The following STIM2 variants were observed in gnomAD, a reference collection of about 807,000 sequenced individuals.
The protein encoded by STIM2 is stromal interaction molecule 2.
STIM2 carries 31 observed loss-of-function variants against 85.8 expected under a neutral mutation model. The observed-to-expected ratio is 0.36, with a 90% CI of 0.27 to 0.49. The LOEUF (loss-of-function observed/expected upper bound fraction) is 0.49. Among genes scored for constraint, STIM2 ranks in the 20% least tolerant of loss-of-function variants. STIM2 has a pLI of 0.98. For synonymous variants in STIM2, 356 were observed against 331.1 expected, an observed-to-expected ratio of 1.08 and a Z score of -0.82; for missense variants, 841 against 927.6, an observed-to-expected ratio of 0.91 and a Z score of 1.21.
chr4:27,014,778 C>G (rs919764384), intron 10 of STIM2, among the ~76,000 whole-genome samples: 2 of 151,830 alleles, frequency 1.3e-5, no homozygotes, highest in African/African-American at 2.4e-5. Flanking sequence ...GTTAAAATCT[C>G]CCATGGTGGT....
intron 10 of STIM2, among the ~76,000 whole-genome samples, chr4:27,013,314 TC>T (rs1728623169): frequency 1.3e-5 from 2 of 151,996 alleles, no homozygotes; most frequent in African/African-American, 4.8e-5. Context: ...TTATAATTGT[TC>T]TTTTTTATTA....
chr4:26,938,353 T>A (rs564450539), intron 2 of STIM2, among the ~76,000 whole-genome samples: 1 of 152,332 alleles, frequency 6.6e-6, no homozygotes, highest in South Asian at 2.1e-4. Flanking sequence ...AACTTTCAGT[T>A]ATAAGATGAA....
chr4:26,880,845 T>G (rs982781476), intron 1 of STIM2, among the ~76,000 whole-genome samples: 16 of 151,628 alleles, frequency 1.1e-4, no homozygotes, highest in Non-Finnish European at 2.2e-4. Context: ...TTCTTAAAAT[T>G]GGTACTTTGT....
rs192680522 is a variant in STIM2 at position 26,937,869 on chromosome 4, C to T, written c.282+18235C>T. Among the ~76,000 whole-genome samples the T allele has an allele frequency of 6.8e-4, 104 of 152,224 alleles. 1 individual carries two copies. The highest frequency in any genetic ancestry group is 2.3e-3 in the African/African-American group (94 of 41,542). On this transcript the variant is annotated intron_variant, in intron 2 of 11. Transcript: ENST00000467087. The stretch of plus-strand genomic sequence containing the variant: ...TGCTACTGCTAAACACTGGCTCTAC[C>T]TCAGTTTGGTTTATCAGTCTGAGTC...
chr4:26,903,417 G>A (rs904606610), intron 1 of STIM2, among the ~76,000 whole-genome samples: 3 of 152,032 alleles, frequency 2.0e-5, no homozygotes, highest in Non-Finnish European at 4.4e-5. Flanking sequence ...TTATACACAC[G>A]TGCATACTTG....
chr4:26,959,125 T>C (rs988888148), intron 3 of STIM2, among the ~76,000 whole-genome samples: 7 of 152,206 alleles, frequency 4.6e-5, no homozygotes, highest in African/African-American at 1.7e-4. Context: ...TTAGATCTGC[T>C]CATTACTCTG....
At chr4:26,893,409 A>G (rs1327151402) in intron 1 of STIM2, among the ~76,000 whole-genome samples, 1 of 152,216 alleles carries the variant, frequency 6.6e-6, no homozygotes, top group African/African-American at 2.4e-5. Flanking sequence ...ACTGTATATT[A>G]ATAAAATCAT....
chr4:27,009,917 A>G (rs1314779630), intron 10 of STIM2, among the ~76,000 whole-genome samples: 1 of 152,238 alleles, frequency 6.6e-6, no homozygotes, highest in African/African-American at 2.4e-5. Flanking sequence ...TCCGTGTTTA[A>G]TATCTGAATT....
chr4:26,999,913 A>G (rs1344676435), intron 5 of STIM2, among the ~76,000 whole-genome samples: 1 of 152,226 alleles, frequency 6.6e-6, no homozygotes, highest in Non-Finnish European at 1.5e-5. Context: ...TAAAGAAAAT[A>G]AACCTTGTAT....
chr4:26,866,413 A>G (rs1033516989), intron 1 of STIM2, among the ~76,000 whole-genome samples: 1 of 152,178 alleles, frequency 6.6e-6, no homozygotes, highest in South Asian at 2.1e-4. Flanking sequence ...TAGCACCACA[A>G]GGGACTGCAA....
Position 26,995,453 on chromosome 4 carries a change from T to G in STIM2, c.472T>G (p.Phe158Val). The change falls in exon 4 of 12, where the codon TTT (phenylalanine) becomes GTT (valine). Residue 158 changes from phenylalanine to valine, a missense_variant. Physicochemically the swap from Phe to Val is conservative, Grantham distance 50 (BLOSUM62 -1). Coordinates refer to ENST00000467087, the MANE Select transcript of STIM2 (RefSeq NM_020860.4). ...TGAACTACCCCAATATGAGAAGAATTTTAGAGACAACAATGTCAAAGGAAC... is the reference window on the plus strand; with the variant it reads ...TGAACTACCCCAATATGAGAAGAATGTTAGAGACAACAATGTCAAAGGAAC... The G allele has an allele frequency of 6.2e-7, 1 of 1,602,362 alleles. No individual in the cohort carries two copies. Among genetic ancestry groups the G allele is most frequent in the Non-Finnish European group, 8.5e-7 (1 of 1,174,692 alleles).
intron 2 of STIM2, among the ~76,000 whole-genome samples, chr4:26,930,514 CAA>C: frequency 6.6e-6 from 1 of 151,854 alleles, no homozygotes; most frequent in African/African-American, 2.4e-5. Context: ...ATATATAAAA[CAA>C]AATCAACTTT....
chr4:26,879,414 T>G (rs148385023), intron 1 of STIM2, among the ~76,000 whole-genome samples: 1 of 152,248 alleles, frequency 6.6e-6, no homozygotes, highest in African/African-American at 2.4e-5. Context: ...ACCTGGGATA[T>G]TATACCATTT....
rs1728783283 is a variant in STIM2, at chr4:27,017,824, G to GC, written c.1609dup (p.His537ProfsTer22). Reference sequence around the variant, plus strand: ...TCAGCGAGCTCAGCTTGCTCCACACGCCCCCCACCCGTCACACCCTCGGCA... The same window carrying GC: ...TCAGCGAGCTCAGCTTGCTCCACACGCCCCCCCACCCGTCACACCCTCGGCA... On this transcript the variant is annotated frameshift_variant, in exon 11 of 12. Coordinates refer to ENST00000467087, the MANE Select transcript of STIM2 (RefSeq NM_020860.4). LOFTEE classifies it high-confidence loss of function. The GC allele has an allele frequency of 1.9e-6, 3 of 1,613,908 alleles. No individual in the cohort carries two copies. The highest frequency in any genetic ancestry group is 2.5e-6 in the Non-Finnish European group (3 of 1,179,982).
In STIM2 at chr4:27,024,671, G is replaced by T. The variant is rs1015898246; in HGVS notation, c.*1675G>T. 8 of 152,182 alleles carry T rather than the reference G, an allele frequency of 5.3e-5. No homozygotes were observed. The highest frequency in any genetic ancestry group is 8.8e-5 in the Non-Finnish European group (6 of 68,034). 9.4% of individuals were successfully genotyped at this position (152,182 alleles called of 1,614,324 possible). A position where few individuals can be genotyped will look rare whatever the true frequency, so the allele number is the denominator to read the frequency against. The stretch of plus-strand genomic sequence containing the variant: ...ATTGAGTTCTGTAAGGGCAAAAACG[G>T]ATTGAAATGAACATAGCGTTTTGCA... On this transcript the variant is annotated 3_prime_UTR_variant, in exon 12 of 12. Transcript: ENST00000467087.
chr4:27,006,911 A>G (rs1728381858), intron 7 of STIM2, among the ~76,000 whole-genome samples: 1 of 152,210 alleles, frequency 6.6e-6, no homozygotes, highest in Non-Finnish European at 1.5e-5. Context: ...CGGAAGTGGT[A>G]AAACAGACAA....
chr4:26,881,622 A>T (rs1723019071), intron 1 of STIM2: 1 of 152,212 alleles, frequency 6.6e-6, no homozygotes, highest in South Asian at 2.1e-4. Context: ...AAGCAAAAAA[A>T]TTTCTGTTCT....
At position 26,919,438 on chromosome 4, in the gene STIM2, A is replaced by C. The variant is rs145246712; in HGVS notation, c.152-66A>C. On this transcript the variant is annotated intron_variant, in intron 1 of 11. Coordinates refer to ENST00000467087, the MANE Select transcript of STIM2 (RefSeq NM_020860.4). ...AATTCTGTTGGTTTTCTTTTAAATT[A>C]TACTCTCTAACTATAGCCTTTGTTT... is the stretch of plus-strand genomic sequence containing the variant. 4,831 of 1,586,290 alleles carry C rather than the reference A, an allele frequency of 3.0e-3. 10 individuals are homozygous for C. The highest frequency in any genetic ancestry group is 3.5e-3 in the Non-Finnish European group (4,158 of 1,171,750).
At chr4:26,941,601 G>T (rs149134065) in intron 2 of STIM2, among the ~76,000 whole-genome samples, 1 of 152,142 alleles carries the variant, frequency 6.6e-6, no homozygotes, top group Non-Finnish European at 1.5e-5. Context: ...CTCACTGATG[G>T]CAGCGAGATT....
Sources: allele counts gnomAD v4.1 joint callset (sites outside exome capture counted in the v4.1 genomes callset), GRCh38; gene constraint gnomAD v4.1.1; transcripts MANE v1.5; gene names NCBI Gene and HGNC (gene_info 2026-07-23, HGNC 2026-07-21).